Variants in SSH2 observed in about 807,000 individuals in gnomAD.
SSH2 encodes protein phosphatase Slingshot homolog 2.
SSH2 carries 37 observed loss-of-function variants against 135.2 expected under a neutral mutation model. The observed-to-expected ratio is 0.27, with a 90% CI of 0.21 to 0.36. The LOEUF (loss-of-function observed/expected upper bound fraction) is 0.36, where lower values mean the gene tolerates loss of function less well. Among genes scored for constraint, SSH2 ranks in the 10% least tolerant of loss-of-function variants. SSH2 has a pLI of 1.00. For missense variants in SSH2, 1,408 were observed against 1,765.3 expected (o/e 0.80, Z 3.63); for synonymous variants, 628 against 646.2 (o/e 0.97, Z 0.43).
intron 1 of SSH2, among the ~76,000 whole-genome samples, chr17:29,883,519 A>T (rs2066177711): frequency 6.6e-6 from 1 of 152,258 alleles, no homozygotes; most frequent in East Asian, 1.9e-4. Flanking sequence ...CTGTATATAA[A>T]TAGAAATTTT....
intron 3 of SSH2, among the ~76,000 whole-genome samples, chr17:29,747,785 A>G (rs1041449918): frequency 1.2e-4 from 18 of 152,218 alleles, no homozygotes; most frequent in Non-Finnish European, 2.6e-4. Context: ...GCAGTTTAAC[A>G]TATGGTAGAT....
At chr17:29,698,052 A>G (rs2038831445) in intron 4 of SSH2, among the ~76,000 whole-genome samples, 1 of 152,220 alleles carries the variant, frequency 6.6e-6, no homozygotes, top group African/African-American at 2.4e-5. Context: ...ACCATGGATG[A>G]CCTTTGAAAA....
rs928212167 is a variant in SSH2, at chr17:29,692,549, C to T, written c.357+2910G>A. On this transcript the variant is annotated intron_variant, in intron 5 of 15. Transcript: ENST00000540801. ...AGAATTGCCAGCTCTGCCTTTGTAA[C>T]TGCTTCCTTCATGTTCTTCCAAGTC... Among the ~76,000 whole-genome samples the T allele has an allele frequency of 7.2e-5, 11 of 152,338 alleles. No homozygotes were observed. The East Asian group carries it at 1.9e-3, about 27-fold the overall frequency.
intron 6 of SSH2, among the ~76,000 whole-genome samples, chr17:29,683,005 T>C (rs764801530): frequency 2.0e-5 from 3 of 152,192 alleles, no homozygotes; most frequent in Non-Finnish European, 1.5e-5. Flanking sequence ...GACTTCTATA[T>C]AGGAATAAGG....
chr17:29,630,527 T>C lies in SSH2; in HGVS notation c.*314A>G, dbSNP rs11654523. On this transcript the variant is annotated 3_prime_UTR_variant, in exon 16 of 16. Coordinates refer to ENST00000540801, the MANE Select transcript of SSH2 (RefSeq NM_001282129.2). ...CCATGCCTTTTCTCAGAGGGCAAAATGAGAAGCAGGTGGCAGCTGACTGAA... is the reference window on the plus strand; with the variant it reads ...CCATGCCTTTTCTCAGAGGGCAAAACGAGAAGCAGGTGGCAGCTGACTGAA... The C allele has an allele frequency of 0.051, 9,372 of 185,192 alleles. 359 individuals are homozygous for C. The highest frequency in any genetic ancestry group is 0.069 in the Non-Finnish European group (6,229 of 90,384). 11.5% of individuals were successfully genotyped at this position (185,192 alleles called of 1,614,324 possible).
intron 3 of SSH2, among the ~76,000 whole-genome samples, chr17:29,789,168 C>T (rs1276372082): frequency 1.3e-5 from 2 of 152,176 alleles, no homozygotes; most frequent in African/African-American, 4.8e-5. Flanking sequence ...TGGTTTGGCT[C>T]CTTCTGGCTG....
intron 1 of SSH2, among the ~76,000 whole-genome samples, chr17:29,868,491 A>T (rs1425142165): frequency 6.6e-6 from 1 of 152,098 alleles, no homozygotes; most frequent in East Asian, 1.9e-4. Flanking sequence ...TAATCCTAGC[A>T]GTTTGGGAGG....
chr17:29,923,520 T>C (rs2067011809), intron 1 of SSH2, among the ~76,000 whole-genome samples: 1 of 151,266 alleles, frequency 6.6e-6, no homozygotes, highest in Non-Finnish European at 1.5e-5. Context: ...TTGGTGGGGC[T>C]GAGATGGAAG....
At chr17:29,739,261 CA>C (rs1567934113) in intron 3 of SSH2, among the ~76,000 whole-genome samples, 5 of 152,174 alleles carry the variant, frequency 3.3e-5, no homozygotes. Flanking sequence ...TTTAACTTCA[CA>C]TCCTAGTCAG....
chr17:29,816,438 A>G (rs1050596563), intron 2 of SSH2, among the ~76,000 whole-genome samples: 3 of 152,160 alleles, frequency 2.0e-5, no homozygotes, highest in African/African-American at 7.2e-5. Context: ...TGTTATAGAA[A>G]TTTCTTGTGG....
intron 8 of SSH2, chr17:29,676,466 T>G (rs572866712): frequency 5.6e-6 from 1 of 177,056 alleles, no homozygotes; most frequent in African/African-American, 2.4e-5. Context: ...AAGAAATAGC[T>G]AATGCATAGC....
intron 2 of SSH2, among the ~76,000 whole-genome samples, chr17:29,796,423 C>T (rs986894585): frequency 1.3e-5 from 2 of 152,352 alleles, no homozygotes; most frequent in South Asian, 4.1e-4. Context: ...TCACTACAAC[C>T]TCCACCTCGT....
intron 5 of SSH2, among the ~76,000 whole-genome samples, chr17:29,687,138 G>A (rs2038257490): frequency 6.6e-6 from 1 of 151,920 alleles, no homozygotes; most frequent in African/African-American, 2.4e-5. Context: ...GCTGTTCTTG[G>A]AGTCTCCCTC....
intron 2 of SSH2, among the ~76,000 whole-genome samples, chr17:29,821,173 C>T (rs1478075671): frequency 1.3e-5 from 2 of 152,190 alleles, no homozygotes; most frequent in African/African-American, 4.8e-5. Context: ...TATAAGCCCT[C>T]CTTTCCTAAA....
intron 6 of SSH2, among the ~76,000 whole-genome samples, chr17:29,680,192 C>T (rs1002944634): frequency 1.3e-5 from 2 of 151,988 alleles, no homozygotes; most frequent in Non-Finnish European, 2.9e-5. Context: ...AACTGTTAGT[C>T]ACTGCAGGGT....
chr17:29,827,017 C>T (rs1267645837), intron 2 of SSH2, among the ~76,000 whole-genome samples: 1 of 152,158 alleles, frequency 6.6e-6, no homozygotes, highest in East Asian at 1.9e-4. Flanking sequence ...ACTCTGATGA[C>T]ATGTATGAGA....
At chr17:29,770,107 T>TG (rs1264586981) in intron 3 of SSH2, among the ~76,000 whole-genome samples, 2,540 of 148,592 alleles carry the variant, frequency 0.017, 102 homozygotes, top group African/African-American at 0.06. Context: ...TTTTTTTTTT[T>TG]TTTTTTTTTT....
chr17:29,653,475 T>C (rs1479147392), intron 12 of SSH2, among the ~76,000 whole-genome samples: 1 of 152,220 alleles, frequency 6.6e-6, no homozygotes, highest in East Asian at 1.9e-4. Flanking sequence ...GCTGGGGTTA[T>C]ATTCTAAATT....
chr17:29,924,084 CTTCTCTGTAT>C (rs2067023200), intron 1 of SSH2, among the ~76,000 whole-genome samples: 1 of 152,026 alleles, frequency 6.6e-6, no homozygotes, highest in Non-Finnish European at 1.5e-5. Context: ...CTTTTCTGTA[CTTCTCTGTAT>C]TTCTGGATTT....
Sources: allele counts gnomAD v4.1 joint callset (sites outside exome capture counted in the v4.1 genomes callset), GRCh38; gene constraint gnomAD v4.1.1; transcripts MANE v1.5; gene names NCBI Gene and HGNC (gene_info 2026-07-23, HGNC 2026-07-21).